Variants in FMN2 observed in about 807,000 individuals in gnomAD.
The protein encoded by FMN2 is formin 2.
Under a neutral mutation model 142.3 loss-of-function variants are expected in FMN2, and 51 were observed. The ratio of observed to expected loss-of-function variants is 0.36; its 90% CI spans 0.29 to 0.45. The LOEUF (loss-of-function observed/expected upper bound fraction) is 0.45, where lower values mean the gene tolerates loss of function less well. Ranked by LOEUF, FMN2 falls within the 20% of genes least tolerant of loss-of-function variation. The pLI is 1.00. For synonymous variants in FMN2, 882 were observed against 869.8 expected (o/e 1.01, Z -0.25); for missense variants, 1,936 against 2,122.8 (o/e 0.91, Z 1.73).
intron 13 of FMN2, among the ~76,000 whole-genome samples, chr1:240,354,540 G>T (rs1368813244): frequency 6.6e-6 from 1 of 152,180 alleles, no homozygotes; most frequent in Non-Finnish European, 1.5e-5. Context: ...CATCCAGCCT[G>T]CAAGAGGCTA....
rs1669816626 is a variant in FMN2 at position 240,292,182 on chromosome 1, A to G, written c.4154-2640A>G. On this transcript the variant is annotated intron_variant, in intron 7 of 17. Coordinates refer to ENST00000319653, the MANE Select transcript of FMN2 (RefSeq NM_020066.5). The stretch of plus-strand genomic sequence containing the variant: ...GAACTGTCACCTTGATATAATTTCA[A>G]TACTCAGGTTCTTTCCTCCGAAACA... Among the ~76,000 whole-genome samples, 3 of 152,208 alleles carry G rather than the reference A, an allele frequency of 2.0e-5. 1 individual carries two copies. The highest frequency in any genetic ancestry group is 6.5e-5 in the Admixed American group (1 of 15,282).
intron 16 of FMN2, among the ~76,000 whole-genome samples, chr1:240,453,501 GCTGACTATTAAAATTAGTACCAA>G (rs1171818972): frequency 4.6e-5 from 7 of 152,146 alleles, no homozygotes; most frequent in African/African-American, 1.7e-4. Flanking sequence ...CATCACAGGT[GCTGACTATTAAAATTAGTACCAA>G]TGGTGTTTTG....
intron 7 of FMN2, among the ~76,000 whole-genome samples, chr1:240,258,485 A>G (rs906679639): frequency 6.6e-6 from 1 of 152,100 alleles, no homozygotes; most frequent in Non-Finnish European, 1.5e-5. Context: ...TGTCTGTTTT[A>G]TAAGGGGACT....
In FMN2 at chr1:240,170,368, C is replaced by T. The variant is rs141574212; in HGVS notation, c.1783-7553C>T. On this transcript the variant is annotated intron_variant, in intron 2 of 17. Transcript: ENST00000319653. ...GGGTTGTTTTCCAGTGATCTTGGGACATGAAGGTGCTGGAATTGTGGGAAG... is the reference window on the plus strand; with the variant it reads ...GGGTTGTTTTCCAGTGATCTTGGGATATGAAGGTGCTGGAATTGTGGGAAG... 4.5e-5 allele frequency: 53 copies of T among 1,184,458 alleles called. No individual in the cohort carries two copies. The African/African-American group carries it at 7.3e-4, about 16-fold the overall frequency. 73.4% of individuals were successfully genotyped at this position (1,184,458 alleles called of 1,614,324 possible). A position where few individuals can be genotyped will look rare whatever the true frequency, so the allele number is the denominator to read the frequency against.
intron 2 of FMN2, among the ~76,000 whole-genome samples, chr1:240,146,024 G>A (rs1275985058): frequency 6.6e-6 from 1 of 151,876 alleles, no homozygotes; most frequent in East Asian, 1.9e-4. Flanking sequence ...CTTCTTCCCA[G>A]GTGTAGATTG....
At chr1:240,296,417 T>G (rs1669984290) in intron 8 of FMN2, among the ~76,000 whole-genome samples, 1 of 146,010 alleles carries the variant, frequency 6.8e-6, no homozygotes, top group Admixed American at 6.9e-5. Flanking sequence ...GGTCCTATTT[T>G]GGGTCTAATA....
Position 240,258,027 on chromosome 1 carries a change from A to C in FMN2, c.4148A>C (p.Gln1383Pro). 6.2e-7 allele frequency: 1 copy of C among 1,608,718 alleles called. No individual in the cohort carries two copies. Among genetic ancestry groups the C allele is most frequent in the African/African-American group, 1.3e-5 (1 of 74,896 alleles). ...SSLHLDMKDI[Q>P]HAVVNLDNSV... ...CTTCATTTAGATATGAAAGACATACAACATGGTAAGTGTCAAAATGAAAAT... is the reference window on the plus strand; with the variant it reads ...CTTCATTTAGATATGAAAGACATACCACATGGTAAGTGTCAAAATGAAAAT... Residue 1383 changes from glutamine (Q) to proline (P), a missense_variant, in exon 7 of 18, where the codon CAA becomes CCA. By Grantham distance (76) the Gln-to-Pro change is moderately conservative. Around this residue, in one of 8 missense-constraint regions of FMN2, gnomAD observed 322 missense variants for 401.6 expected, o/e 0.80. Transcript: ENST00000319653.
chr1:240,358,363 A>T (rs1672344164), intron 14 of FMN2, among the ~76,000 whole-genome samples: 2 of 152,224 alleles, frequency 1.3e-5, no homozygotes, highest in Non-Finnish European at 2.9e-5. Flanking sequence ...TGTCAACAAT[A>T]TGAAAGAATA....
intron 4 of FMN2, among the ~76,000 whole-genome samples, chr1:240,192,165 A>G (rs1208192833): frequency 1.3e-5 from 2 of 152,316 alleles, no homozygotes; most frequent in Admixed American, 6.5e-5. Context: ...TCCTTAAAGT[A>G]TCTGTTATAG....
chr1:240,148,119 A>G (rs1215822520), intron 2 of FMN2, among the ~76,000 whole-genome samples: 1 of 152,204 alleles, frequency 6.6e-6, no homozygotes, highest in Non-Finnish European at 1.5e-5. Flanking sequence ...GGCTTTGGTT[A>G]ACTTCTTGTG....
At chr1:240,320,775 T>G (rs1292210406) in intron 8 of FMN2, among the ~76,000 whole-genome samples, 1 of 152,168 alleles carries the variant, frequency 6.6e-6, no homozygotes, top group Non-Finnish European at 1.5e-5. Context: ...CCATTCTTTT[T>G]GAGGGGATCT....
At chr1:240,121,556 GT>G (rs1234574704) in intron 1 of FMN2, among the ~76,000 whole-genome samples, 2 of 149,780 alleles carry the variant, frequency 1.3e-5, no homozygotes, top group African/African-American at 4.9e-5. Flanking sequence ...TTTTTGTTTT[GT>G]TTTTTGTATT....
At chr1:240,307,338 G>C (rs1000753419) in intron 8 of FMN2, among the ~76,000 whole-genome samples, 2 of 152,164 alleles carry the variant, frequency 1.3e-5, no homozygotes, top group African/African-American at 4.8e-5. Flanking sequence ...GTCTAAAAGA[G>C]TATTTCCTAG....
intron 14 of FMN2, among the ~76,000 whole-genome samples, chr1:240,392,251 G>A (rs1475855872): frequency 6.6e-6 from 1 of 151,884 alleles, no homozygotes; most frequent in African/African-American, 2.4e-5. Flanking sequence ...CTGAGTTAAA[G>A]AAATTTTTTC....
At chr1:240,210,060 T>A (rs996678168) in intron 5 of FMN2, among the ~76,000 whole-genome samples, 3 of 152,208 alleles carry the variant, frequency 2.0e-5, no homozygotes, top group Admixed American at 2.0e-4. Context: ...TTCATGGCAC[T>A]TCTGTCCCTC....
At chr1:240,155,958 G>T (rs951705074) in intron 2 of FMN2, among the ~76,000 whole-genome samples, 1 of 151,032 alleles carries the variant, frequency 6.6e-6, no homozygotes, top group Admixed American at 6.6e-5. Context: ...ACCGTAAAGG[G>T]ACAGACGTGG....
intron 14 of FMN2, among the ~76,000 whole-genome samples, chr1:240,377,962 CAA>C (rs1673101081): frequency 6.6e-6 from 1 of 152,114 alleles, no homozygotes; most frequent in African/African-American, 2.4e-5. Flanking sequence ...CTGCCTACCA[CAA>C]AGTCTTGGGA....
At chr1:240,137,170 T>G (rs1662978972) in intron 2 of FMN2, among the ~76,000 whole-genome samples, 2 of 151,916 alleles carry the variant, frequency 1.3e-5, no homozygotes, top group African/African-American at 4.8e-5. Flanking sequence ...AGGGTTTTTT[T>G]GTTTCTTGTT....
chr1:240,274,025 C>T (rs989830358), intron 7 of FMN2, among the ~76,000 whole-genome samples: 2 of 152,030 alleles, frequency 1.3e-5, no homozygotes, highest in South Asian at 2.1e-4. Flanking sequence ...GGCCATAATT[C>T]GTTCACTCCT....
Sources: gnomAD v4.1 joint callset for allele counts (sites outside exome capture counted in the v4.1 genomes callset) on GRCh38, gnomAD v4.1.1 for gene constraint, gnomAD v4.1.1 regional missense constraint, MANE v1.5 for transcripts, NCBI Gene and HGNC (gene_info 2026-07-23, HGNC 2026-07-21) for gene names.